Variants in PRKG1 observed in about 807,000 individuals in gnomAD.
The protein encoded by PRKG1 is cGMP-dependent protein kinase 1.
PRKG1 carries 35 observed loss-of-function variants against 88.1 expected under a neutral mutation model. That is an observed-to-expected ratio of 0.40 (90% CI 0.30 to 0.53). PRKG1 has a LOEUF of 0.53. PRKG1 is among the 20% of genes least tolerant of loss of function. The pLI is 0.59. For missense variants in PRKG1, 540 were observed against 839.8 expected, an observed-to-expected ratio of 0.64 and a Z score of 4.41; for synonymous variants, 303 against 292.5, an observed-to-expected ratio of 1.04 and a Z score of -0.37.
chr10:51,352,731 A>G (rs1293055467), intron 2 of PRKG1, among the ~76,000 whole-genome samples: 1 of 152,166 alleles, frequency 6.6e-6, no homozygotes, highest in East Asian at 1.9e-4. Context: ...GAAAATACTA[A>G]TGCCGTCCTT....
chr10:51,448,531 G>A (rs1839340876), intron 2 of PRKG1, among the ~76,000 whole-genome samples: 3 of 152,056 alleles, frequency 2.0e-5, no homozygotes, highest in South Asian at 2.1e-4. Flanking sequence ...CTGTAGAGCT[G>A]AAGAGGCTGA....
At chr10:51,652,559 ATTTC>A (rs1209195687) in intron 3 of PRKG1, among the ~76,000 whole-genome samples, 2 of 152,080 alleles carry the variant, frequency 1.3e-5, no homozygotes, top group Non-Finnish European at 2.9e-5. Flanking sequence ...CATCGATCCC[ATTTC>A]TTTATAAAAT....
intron 3 of PRKG1, among the ~76,000 whole-genome samples, chr10:51,632,590 G>A (rs980821912): frequency 1.3e-5 from 2 of 152,150 alleles, no homozygotes; most frequent in Non-Finnish European, 2.9e-5. Flanking sequence ...GTATCTATCT[G>A]TTGTCCCCTA....
chr10:52,034,343 T>C (rs10823986), intron 5 of PRKG1, among the ~76,000 whole-genome samples: 32,865 of 86,036 alleles, frequency 0.38, 8,318 homozygotes, highest in South Asian at 0.46. Flanking sequence ...GGATTAGGGG[T>C]GACGTGGGAA....
rs1018455095 is a variant in PRKG1 at position 51,896,635 on chromosome 10, C to A, written c.699-10872C>A. ...GCTAAGCTTAGGTGACAGAGCGAGACCCTGTCTCTTAAAAAAAAAAAAAAA... is the reference window on the plus strand; with the variant it reads ...GCTAAGCTTAGGTGACAGAGCGAGAACCTGTCTCTTAAAAAAAAAAAAAAA... On this transcript the variant is annotated intron_variant, in intron 4 of 17. Transcript: ENST00000373980. 3.9e-5 allele frequency among the ~76,000 whole-genome samples: 5 copies of A among 129,672 alleles called. No individual in the cohort carries two copies. In the Admixed American group the frequency reaches 4.4e-4, roughly 11 times the overall value. The allele number at this position is 129,672 out of a possible 152,430, so 85.1% of individuals were successfully genotyped here.
At chr10:51,158,125 G>A (rs1846260966) in intron 2 of PRKG1, among the ~76,000 whole-genome samples, 1 of 151,672 alleles carries the variant, frequency 6.6e-6, no homozygotes, top group Admixed American at 6.6e-5. Context: ...TTTTTTTCAT[G>A]AGGTGTTTGT....
intron 9 of PRKG1, among the ~76,000 whole-genome samples, chr10:52,249,850 A>T (rs1252227573): frequency 6.6e-6 from 1 of 152,110 alleles, no homozygotes; most frequent in Admixed American, 6.6e-5. Context: ...AAAGCAAAAA[A>T]CAAAAAACCA....
intron 9 of PRKG1, among the ~76,000 whole-genome samples, chr10:52,177,732 T>G (rs1838902619): frequency 6.6e-6 from 1 of 152,108 alleles, no homozygotes; most frequent in Non-Finnish European, 1.5e-5. Flanking sequence ...ATAGATTTTA[T>G]GTGTCCAGGA....
intron 3 of PRKG1, among the ~76,000 whole-genome samples, chr10:51,682,988 T>C (rs12246673): frequency 0.063 from 9,630 of 152,266 alleles, 690 homozygotes; most frequent in African/African-American, 0.17. Flanking sequence ...AGTCATAAAA[T>C]AAATAATTCC....
At position 52,064,244 on chromosome 10, in the gene PRKG1, G is replaced by GA. The variant is rs377565998; in HGVS notation, c.935+1614dup. On this transcript the variant is annotated intron_variant, in intron 7 of 17. Transcript: ENST00000373980. ...TATGCTCATTGGCACCCAAAGCCCAGAGGGGGGTGAGTTGTCAGGGGACTG... is the reference window on the plus strand; with the variant it reads ...TATGCTCATTGGCACCCAAAGCCCAGAAGGGGGGTGAGTTGTCAGGGGACTG... 7.3e-3 allele frequency among the ~76,000 whole-genome samples: 1,113 copies of GA among 152,312 alleles called. 8 individuals are homozygous for GA. The highest frequency in any genetic ancestry group is 0.026 in the African/African-American group (1,079 of 41,584).
At chr10:52,263,024 G>T (rs1185966105) in intron 10 of PRKG1, among the ~76,000 whole-genome samples, 1 of 152,046 alleles carries the variant, frequency 6.6e-6, no homozygotes, top group Non-Finnish European at 1.5e-5. Context: ...AAAGCTGACT[G>T]TACCTATTAT....
intron 9 of PRKG1, among the ~76,000 whole-genome samples, chr10:52,191,233 G>C (rs901142797): frequency 6.6e-6 from 1 of 152,070 alleles, no homozygotes; most frequent in Non-Finnish European, 1.5e-5. Flanking sequence ...GCTCACTGCA[G>C]CCTAGACCTA....
At chr10:51,907,435 A>G in intron 4 of PRKG1, 72 bp from the exon 5 acceptor site, 3 of 1,206,628 alleles carry the variant, frequency 2.5e-6, no homozygotes, top group Non-Finnish European at 3.5e-6. Context: ...AATTAGATTC[A>G]TGGTCATTTT....
chr10:51,835,822 TA>T (rs1215098843), intron 4 of PRKG1, among the ~76,000 whole-genome samples: 1 of 152,192 alleles, frequency 6.6e-6, no homozygotes, highest in African/African-American at 2.4e-5. Flanking sequence ...TACTGTTTTC[TA>T]TGATGGATAT....
intron 3 of PRKG1, among the ~76,000 whole-genome samples, chr10:51,711,421 A>G (rs188882581): frequency 5.3e-4 from 81 of 152,102 alleles, no homozygotes; most frequent in African/African-American, 1.6e-3. Context: ...TCTTTTTCAT[A>G]TACAGTCTCC....
At chr10:51,808,348 G>C (rs1464043318) in intron 4 of PRKG1, among the ~76,000 whole-genome samples, 1 of 152,044 alleles carries the variant, frequency 6.6e-6, no homozygotes, top group Non-Finnish European at 1.5e-5. Context: ...TGTAATCTCA[G>C]CACTTTGAGA....
chr10:52,140,422 TC>T (rs1299255612), intron 8 of PRKG1, among the ~76,000 whole-genome samples: 2 of 152,058 alleles, frequency 1.3e-5, no homozygotes, highest in Non-Finnish European at 2.9e-5. Context: ...TTTCTTCACT[TC>T]ACTCTTCTGT....
At chr10:51,516,520 G>C (rs1162438864) in intron 3 of PRKG1, among the ~76,000 whole-genome samples, 2 of 152,102 alleles carry the variant, frequency 1.3e-5, no homozygotes, top group African/African-American at 4.8e-5. Flanking sequence ...AAGCTTTTTG[G>C]CTTGAAGGTG....
At chr10:52,060,449 G>A (rs890987464) in intron 6 of PRKG1, among the ~76,000 whole-genome samples, 24 of 151,734 alleles carry the variant, frequency 1.6e-4, no homozygotes, top group African/African-American at 5.6e-4. Context: ...AGATGATTTA[G>A]ACAAACCATA....
Sources: gnomAD v4.1 joint callset for allele counts (sites outside exome capture counted in the v4.1 genomes callset) on GRCh38, gnomAD v4.1.1 for gene constraint, MANE v1.5 for transcripts, NCBI Gene and HGNC (gene_info 2026-07-23, HGNC 2026-07-21) for gene names.